The following DPH6 variants were observed in gnomAD, a reference collection of about 807,000 sequenced individuals.
DPH6 encodes diphthine--ammonia ligase.
In DPH6, 33 loss-of-function variants were observed where a neutral mutation model predicts 38.2. The ratio of observed to expected loss-of-function variants is 0.86; its 90% CI spans 0.65 to 1.15. The LOEUF is 1.15. Ranked by LOEUF, DPH6 falls within the 50% of genes most tolerant of loss-of-function variation. DPH6 has a pLI of 0.00. For missense variants in DPH6, 325 were observed against 320.0 expected (o/e 1.02, Z -0.12); for synonymous variants, 108 against 103.0 (o/e 1.05, Z -0.30).
intron 3 of DPH6, among the ~76,000 whole-genome samples, chr15:35,304,685 G>T (rs186963887): frequency 8.6e-5 from 13 of 151,864 alleles, no homozygotes; most frequent in African/African-American, 2.7e-4. Context: ...CAGTAAGAGT[G>T]CCTATTTTTA....
chr15:35,195,291 C>A, the DPH6 span, among the ~76,000 whole-genome samples: 1 of 152,176 alleles, frequency 6.6e-6, no homozygotes, highest in Non-Finnish European at 1.5e-5. Context: ...GTACATATAG[C>A]ACATTTTCTT....
intron 6 of DPH6, among the ~76,000 whole-genome samples, chr15:35,395,840 G>C (rs1348835514): frequency 3.9e-5 from 6 of 152,158 alleles, no homozygotes; most frequent in Admixed American, 3.9e-4. Context: ...TCTTATAGCA[G>C]TTAGCATAGA....
chr15:35,237,818 G>C, intron 3 of DPH6: 3 of 1,571,520 alleles, frequency 1.9e-6, no homozygotes, highest in Non-Finnish European at 2.6e-6. Context: ...GGGCTACGTG[G>C]AGGGCCTGGA....
At chr15:35,167,377 T>G in the DPH6 span, among the ~76,000 whole-genome samples, 2 of 151,812 alleles carry the variant, frequency 1.3e-5, no homozygotes, top group East Asian at 3.9e-4. Context: ...GAAAAGGACA[T>G]TGAGGCTTTG....
At chr15:35,369,591 C>T (rs897356134), downstream of DPH6, among the ~76,000 whole-genome samples, 2 of 137,508 alleles carry the variant, frequency 1.5e-5, no homozygotes, top group African/African-American at 5.5e-5. Flanking sequence ...TGAATTCACA[C>T]CAAGAATACC....
chr15:35,447,534 G>A (rs534492230), intron 5 of DPH6, among the ~76,000 whole-genome samples: 6 of 151,988 alleles, frequency 3.9e-5, no homozygotes, highest in African/African-American at 1.5e-4. Flanking sequence ...AACCCACAGG[G>A]ACAGTAAAAC....
At chr15:35,203,517 T>C in the DPH6 span, among the ~76,000 whole-genome samples, 1 of 151,754 alleles carries the variant, frequency 6.6e-6, no homozygotes, top group Non-Finnish European at 1.5e-5. Context: ...CATATGAATG[T>C]ACCGTATGTT....
intron 3 of DPH6, among the ~76,000 whole-genome samples, chr15:35,504,890 A>T (rs1406596705): frequency 6.6e-6 from 1 of 152,142 alleles, no homozygotes; most frequent in African/African-American, 2.4e-5. Context: ...ATAATAAAAC[A>T]TATCAAAGTA....
chr15:35,543,318 T>C (rs1195506871), intron 1 of DPH6, among the ~76,000 whole-genome samples: 1 of 139,246 alleles, frequency 7.2e-6, no homozygotes, highest in Non-Finnish European at 1.5e-5. Context: ...GCAGCAGAAC[T>C]AGGCTTGAGC....
At chr15:35,510,919 G>A (rs111439098) in intron 3 of DPH6, among the ~76,000 whole-genome samples, 6,181 of 152,174 alleles carry the variant, frequency 0.041, 412 homozygotes, top group African/African-American at 0.14. Context: ...TCCCATCCTT[G>A]TGGATACTGG....
the DPH6 span, among the ~76,000 whole-genome samples, chr15:35,207,300 G>A: frequency 2.0e-5 from 3 of 151,950 alleles, no homozygotes; most frequent in African/African-American, 7.2e-5. Context: ...CTCCCACCTG[G>A]CCTCCCAAAG....
At chr15:35,221,687 T>C (rs1278851190) in intron 3 of DPH6, among the ~76,000 whole-genome samples, 1 of 152,190 alleles carries the variant, frequency 6.6e-6, no homozygotes, top group African/African-American at 2.4e-5. Context: ...CTTCCTTCTA[T>C]CCATACTAAT....
At chr15:35,474,087 T>C (rs995995031) in intron 3 of DPH6, among the ~76,000 whole-genome samples, 2 of 152,104 alleles carry the variant, frequency 1.3e-5, no homozygotes, top group Non-Finnish European at 2.9e-5. Flanking sequence ...CCTATGAACA[T>C]TGTGAATTTT....
chr15:35,416,373 A>C (rs2053436534), intron 5 of DPH6, among the ~76,000 whole-genome samples: 1 of 152,040 alleles, frequency 6.6e-6, no homozygotes, highest in Non-Finnish European at 1.5e-5. Context: ...TATTTTTCAG[A>C]GGTTACGTCA....
chr15:35,436,504 C>A (rs371998622), intron 5 of DPH6, among the ~76,000 whole-genome samples: 8,650 of 107,446 alleles, frequency 0.081, 1,106 homozygotes, highest in African/African-American at 0.28. Flanking sequence ...CAAAACAAAA[C>A]AAAACAAAAC....
chr15:35,294,907 G>A (rs1169043204), intron 3 of DPH6, among the ~76,000 whole-genome samples: 2 of 152,210 alleles, frequency 1.3e-5, no homozygotes, highest in Non-Finnish European at 2.9e-5. Flanking sequence ...GGAACAGGAT[G>A]AGATATGTGC....
At chr15:35,486,713 T>TCA (rs1462391136) in intron 3 of DPH6, among the ~76,000 whole-genome samples, 2 of 152,096 alleles carry the variant, frequency 1.3e-5, no homozygotes, top group Non-Finnish European at 2.9e-5. Context: ...CATGTCCTTC[T>TCA]CACATTTCAA....
intron 3 of DPH6, among the ~76,000 whole-genome samples, chr15:35,303,097 A>G (rs1426492439): frequency 6.6e-6 from 1 of 152,082 alleles, no homozygotes; most frequent in African/African-American, 2.4e-5. Context: ...GTGGTGGTGC[A>G]TTGTCTCTTA....
At chr15:35,386,735 A>G (rs1354240995) in intron 6 of DPH6, among the ~76,000 whole-genome samples, 1 of 151,844 alleles carries the variant, frequency 6.6e-6, no homozygotes, top group Non-Finnish European at 1.5e-5. Flanking sequence ...TAGATTCTGG[A>G]TATTAGCCCT....
Sources: gnomAD v4.1 joint callset for allele counts (sites outside exome capture counted in the v4.1 genomes callset) on GRCh38, gnomAD v4.1.1 for gene constraint, MANE v1.5 for transcripts, NCBI Gene and HGNC (gene_info 2026-07-23, HGNC 2026-07-21) for gene names.